ANO10: variants seen among roughly 807,000 people sequenced by gnomAD.
ANO10 encodes the protein anoctamin-10.
ANO10 carries 77 observed loss-of-function variants against 74.7 expected under a neutral mutation model. The ratio of observed to expected loss-of-function variants is 1.03; its 90% CI spans 0.86 to 1.25. The LOEUF is 1.25. Ranked by LOEUF, ANO10 falls within the 50% of genes most tolerant of loss-of-function variation. The pLI is 0.00. For missense variants in ANO10, 721 were observed against 778.1 expected (o/e 0.93, Z 0.87); for synonymous variants, 279 against 284.9 (o/e 0.98, Z 0.21).
At chr3:43,473,164 T>A (rs1399843196) in intron 11 of ANO10, among the ~76,000 whole-genome samples, 4 of 152,028 alleles carry the variant, frequency 2.6e-5, no homozygotes, top group Non-Finnish European at 5.9e-5. Context: ...TCTTTTTTTT[T>A]TATAGCTGTT....
At chr3:43,460,932 A>C (rs1426187274) in intron 11 of ANO10, among the ~76,000 whole-genome samples, 1 of 152,154 alleles carries the variant, frequency 6.6e-6, no homozygotes, top group Non-Finnish European at 1.5e-5. Context: ...TGAAAACTTC[A>C]ATAGAAAAGC....
intron 1 of ANO10, among the ~76,000 whole-genome samples, chr3:43,641,908 A>G (rs1211907094): frequency 6.6e-6 from 1 of 152,164 alleles, no homozygotes; most frequent in Admixed American, 6.5e-5. Context: ...TTAGATCCTT[A>G]CCACCTACCC....
intron 11 of ANO10, among the ~76,000 whole-genome samples, chr3:43,502,374 G>A (rs370472335): frequency 6.6e-6 from 1 of 152,168 alleles, no homozygotes; most frequent in East Asian, 1.9e-4. Context: ...CATCCTTGCT[G>A]TAATGAGTGA....
chr3:43,615,642 A>T (rs886324773), intron 1 of ANO10, among the ~76,000 whole-genome samples: 1 of 151,696 alleles, frequency 6.6e-6, no homozygotes, highest in African/African-American at 2.4e-5. Context: ...ATATGTGTAT[A>T]TATTTTTTGT....
At chr3:43,450,014 C>T (rs561339157) in intron 11 of ANO10, among the ~76,000 whole-genome samples, 1 of 152,104 alleles carries the variant, frequency 6.6e-6, no homozygotes, top group Admixed American at 6.6e-5. Flanking sequence ...TTTAGATTTA[C>T]ACCTAAGTAC....
At chr3:43,624,953 G>A (rs1170373125), upstream of ANO10, among the ~76,000 whole-genome samples, 1 of 152,228 alleles carries the variant, frequency 6.6e-6, no homozygotes, top group East Asian at 1.9e-4. Context: ...GAGAACTACT[G>A]TATCAATTAC....
intron 1 of ANO10, among the ~76,000 whole-genome samples, chr3:43,652,575 T>C (rs949172917): frequency 3.9e-5 from 6 of 152,122 alleles, no homozygotes; most frequent in Non-Finnish European, 7.4e-5. Flanking sequence ...TAGATAATGG[T>C]GATGGTTGTA....
At chr3:43,491,427 T>C (rs895797727) in intron 11 of ANO10, among the ~76,000 whole-genome samples, 5 of 152,068 alleles carry the variant, frequency 3.3e-5, no homozygotes, top group Non-Finnish European at 7.4e-5. Context: ...GGCACGAGAA[T>C]CGCTTGAACC....
At chr3:43,682,198 A>G (rs1242035537) in intron 1 of ANO10, among the ~76,000 whole-genome samples, 1 of 152,224 alleles carries the variant, frequency 6.6e-6, no homozygotes, top group Non-Finnish European at 1.5e-5. Context: ...CTAATAAAGA[A>G]GAAAAGAGAG....
At position 43,668,150 on chromosome 3, in the gene ANO10, G is replaced by A. The variant is rs113704198; in HGVS notation, c.-12+23367C>T. On this transcript the variant is annotated intron_variant, in intron 1 of 3. Transcript: ENST00000413397. ...TCTTGCAGGAGTAAGGTGGTATCTC[G>A]TTGTGGTTTTAATTTGCATTTCCCT... 8.4e-3 allele frequency among the ~76,000 whole-genome samples: 1,276 copies of A among 152,040 alleles called. 22 individuals are homozygous for A. The highest frequency in any genetic ancestry group is 0.029 in the African/African-American group (1,209 of 41,486).
intron 11 of ANO10, among the ~76,000 whole-genome samples, chr3:43,518,982 C>T (rs937761436): frequency 6.6e-6 from 1 of 152,068 alleles, no homozygotes; most frequent in East Asian, 1.9e-4. Context: ...ATTCGTACAC[C>T]CCTCCCCTTT....
At chr3:43,565,561 TA>T in intron 8 of ANO10, 91 bp downstream of exon 8, 1 of 1,005,040 alleles carries the variant, frequency 9.9e-7, no homozygotes, top group Non-Finnish European at 1.5e-6. Flanking sequence ...ATTTTATTTG[TA>T]AAAATAATTT....
chr3:43,590,008 G>T (rs997277108), intron 4 of ANO10, among the ~76,000 whole-genome samples: 1 of 152,084 alleles, frequency 6.6e-6, no homozygotes, highest in Admixed American at 6.5e-5. Flanking sequence ...TTGGAACATG[G>T]GACAGGAAAG....
At chr3:43,470,221 G>C (rs994720704) in intron 11 of ANO10, among the ~76,000 whole-genome samples, 11 of 152,186 alleles carry the variant, frequency 7.2e-5, no homozygotes, top group Admixed American at 4.6e-4. Flanking sequence ...TAAGTAAAAG[G>C]AGCAGGTCTG....
At chr3:43,679,058 G>A (rs776393690) in intron 1 of ANO10, among the ~76,000 whole-genome samples, 8 of 152,142 alleles carry the variant, frequency 5.3e-5, no homozygotes, top group African/African-American at 1.7e-4. Context: ...CTGAGGTACC[G>A]GGTTTATCGC....
intron 12 of ANO10, among the ~76,000 whole-genome samples, chr3:43,399,865 T>C (rs2092448326): frequency 6.6e-6 from 1 of 152,104 alleles, no homozygotes; most frequent in Non-Finnish European, 1.5e-5. Context: ...AACTTGGAGA[T>C]CCCTCATAGT....
chr3:43,595,199 C>T (rs1404958426), intron 4 of ANO10, among the ~76,000 whole-genome samples: 1 of 151,684 alleles, frequency 6.6e-6, no homozygotes, highest in African/African-American at 2.4e-5. Flanking sequence ...GAGGAGCTGG[C>T]ACCATTCCTT....
At chr3:43,388,684 A>G (rs191932911) in intron 12 of ANO10, among the ~76,000 whole-genome samples, 47 of 152,330 alleles carry the variant, frequency 3.1e-4, no homozygotes, top group East Asian at 1.2e-3. Flanking sequence ...GGTAAGACCA[A>G]TATTACCAAA....
chr3:43,510,248 GGTGAAACCCC>G (rs534769574), intron 11 of ANO10, among the ~76,000 whole-genome samples: 5 of 152,016 alleles, frequency 3.3e-5, no homozygotes, highest in Non-Finnish European at 7.4e-5. Flanking sequence ...TGGCCAACAT[GGTGAAACCCC>G]GTCTCTACTA....
Sources: gnomAD v4.1 joint callset for allele counts (sites outside exome capture counted in the v4.1 genomes callset) on GRCh38, gnomAD v4.1.1 for gene constraint, MANE v1.5 for transcripts, NCBI Gene and HGNC (gene_info 2026-07-23, HGNC 2026-07-21) for gene names.